The following TBL1Y variants were observed in gnomAD, a reference collection of about 807,000 sequenced individuals.
The protein encoded by TBL1Y is F-box-like/WD repeat-containing protein TBL1Y.
A neutral mutation model predicts 12.0 loss-of-function variants in TBL1Y; 15 were observed. The ratio of observed to expected loss-of-function variants is 1.25; its 90% CI spans 0.83 to 1.92. TBL1Y has a LOEUF of 1.92. TBL1Y is among the 40% of genes most tolerant of loss of function. The pLI is 0.00. For synonymous variants in TBL1Y, 53 were observed against 42.6 expected (o/e 1.24, Z -0.95); for missense variants, 148 against 116.7 (o/e 1.27, Z -1.24).
intron 2 of TBL1Y, among the ~76,000 whole-genome samples, chrY:6,923,539 A>T: frequency 3.1e-5 from 1 of 32,738 alleles, no homozygotes; most frequent in Non-Finnish European, 7.5e-5. Context: ...TTTGAGACAG[A>T]GTCTTGCTCT....
chrY:6,994,866 T>A, intron 3 of TBL1Y, among the ~76,000 whole-genome samples: 1 of 33,384 alleles, frequency 3.0e-5, no homozygotes, highest in African/African-American at 1.2e-4. Context: ...CTACCTGCAG[T>A]TTCCTTGGAA....
At chrY:6,957,703 A>G in intron 2 of TBL1Y, among the ~76,000 whole-genome samples, 3 of 33,676 alleles carry the variant, frequency 8.9e-5, no homozygotes, top group Non-Finnish European at 1.5e-4. Context: ...TAACCTACAC[A>G]TCTATCTAGA....
chrY:6,994,753 G>A, intron 3 of TBL1Y, among the ~76,000 whole-genome samples: 1 of 33,607 alleles, frequency 3.0e-5, no homozygotes, highest in Non-Finnish European at 7.4e-5. Context: ...CACATGGAGG[G>A]AGACAGTGGG....
At chrY:7,064,598 C>T (rs762285260) in intron 8 of TBL1Y, among the ~76,000 whole-genome samples, 2 of 33,909 alleles carry the variant, frequency 5.9e-5, no homozygotes, top group South Asian at 6.7e-4. Flanking sequence ...AATCCCAGAA[C>T]ATCATTCCCT....
chrY:6,960,863 A>G, intron 2 of TBL1Y, among the ~76,000 whole-genome samples: 1 of 32,953 alleles, frequency 3.0e-5, no homozygotes, highest in African/African-American at 1.2e-4. Flanking sequence ...TTCATTTGTG[A>G]CCCAAGTGAC....
chrY:6,917,518 T>C (rs2011742721), intron 2 of TBL1Y, among the ~76,000 whole-genome samples: 1 of 33,378 alleles, frequency 3.0e-5, no homozygotes, highest in African/African-American at 1.2e-4. Context: ...ACACACAAGT[T>C]TTAGGGTGAC....
chrY:6,988,920 G>A, intron 3 of TBL1Y, among the ~76,000 whole-genome samples: 1 of 32,494 alleles, frequency 3.1e-5, no homozygotes, highest in Admixed American at 2.8e-4. Flanking sequence ...TGTGGCCATT[G>A]TGACTGAGAA....
At chrY:6,951,925 G>A (rs2012029315) in intron 2 of TBL1Y, among the ~76,000 whole-genome samples, 1 of 33,300 alleles carries the variant, frequency 3.0e-5, no homozygotes, top group African/African-American at 1.2e-4. Context: ...CCTTCATTTC[G>A]TTATGTACTC....
chrY:6,987,186 G>A (rs2012325654), intron 3 of TBL1Y, among the ~76,000 whole-genome samples: 1 of 32,953 alleles, frequency 3.0e-5, no homozygotes, highest in African/African-American at 1.2e-4. Flanking sequence ...TCATACACCC[G>A]CCACCATAAT....
intron 7 of TBL1Y, among the ~76,000 whole-genome samples, chrY:7,047,266 A>G (rs2124164541): frequency 2.9e-5 from 1 of 34,187 alleles, no homozygotes; most frequent in African/African-American, 1.1e-4. Context: ...ACTCCGTAGC[A>G]TAATAATTTG....
At chrY:6,971,377 G>C in intron 2 of TBL1Y, among the ~76,000 whole-genome samples, 1 of 32,959 alleles carries the variant, frequency 3.0e-5, no homozygotes, top group East Asian at 8.0e-4. Flanking sequence ...AATGGAATTA[G>C]TGGGCATACA....
intron 4 of TBL1Y, among the ~76,000 whole-genome samples, chrY:7,014,668 A>C: frequency 3.0e-5 from 1 of 32,953 alleles, no homozygotes; most frequent in African/African-American, 1.2e-4. Context: ...ATAGTTATTG[A>C]TTATTAAAAA....
intron 7 of TBL1Y, 21 bp downstream of exon 7, chrY:7,043,146 G>GC: frequency 2.5e-6 from 1 of 397,366 alleles, no homozygotes; most frequent in Non-Finnish European, 3.5e-6. Flanking sequence ...GCTGGGCCTG[G>GC]CCCCCAAACA....
intron 2 of TBL1Y, among the ~76,000 whole-genome samples, chrY:6,936,558 A>G: frequency 2.9e-5 from 1 of 34,367 alleles, no homozygotes; most frequent in African/African-American, 1.1e-4. Context: ...TGTAATAACC[A>G]GTGTGTTTGT....
intron 2 of TBL1Y, among the ~76,000 whole-genome samples, chrY:6,938,978 G>C: frequency 2.9e-5 from 1 of 33,990 alleles, no homozygotes; most frequent in Non-Finnish European, 7.3e-5. Flanking sequence ...AGGTAGTGCA[G>C]ACCCAAAGAG....
chrY:7,048,341 G>A (rs1009268439), intron 7 of TBL1Y, among the ~76,000 whole-genome samples: 1 of 32,652 alleles, frequency 3.1e-5, no homozygotes, highest in African/African-American at 1.2e-4. Flanking sequence ...AAAAAGCCAG[G>A]CATTAGGAAA....
chrY:7,088,901 C>G (rs2013157190), intron 17 of TBL1Y, among the ~76,000 whole-genome samples: 1 of 33,776 alleles, frequency 3.0e-5, no homozygotes, highest in African/African-American at 1.2e-4. Context: ...CCCTCCTGGT[C>G]TTGGTCTTTA....
At chrY:7,043,527 AAAATAAAT>A (rs559433562) in intron 7 of TBL1Y, among the ~76,000 whole-genome samples, 39 of 28,392 alleles carry the variant, frequency 1.4e-3, no homozygotes, top group African/African-American at 3.0e-3. Context: ...CCATATATCT[AAAATAAAT>A]AAATAAATAA....
rs570569843 is a variant in TBL1Y, at chrY:7,024,192, C to T, written c.-50-843C>T. Among the ~76,000 whole-genome samples, 137 of 33,503 alleles carry T rather than the reference C, an allele frequency of 4.1e-3. No individual in the cohort carries two copies. The South Asian group carries it at 0.061, about 15-fold the overall frequency. 89.9% of individuals were successfully genotyped at this position (33,503 alleles called of 37,273 possible). ...GGTTCCAAGGCTTTGCTGTTGTGAA[C>T]GGTGCTACAATAACATACATGTGCA... On this transcript the variant is annotated intron_variant, in intron 5 of 18. Transcript: ENST00000383032.
Sources: gnomAD v4.1 joint callset for allele counts (sites outside exome capture counted in the v4.1 genomes callset) on GRCh38, gnomAD v4.1.1 for gene constraint, MANE v1.5 for transcripts, NCBI Gene and HGNC (gene_info 2026-07-23, HGNC 2026-07-21) for gene names.